Variants in UGT2B28 observed in about 807,000 individuals in gnomAD.
UGT2B28 encodes UDP glucuronosyltransferase family 2 member B28.
Under a neutral mutation model 43.6 loss-of-function variants are expected in UGT2B28, and 45 were observed. The observed-to-expected ratio is 1.03, with a 90% CI of 0.81 to 1.32. The LOEUF is 1.32. UGT2B28 is among the 40% of genes most tolerant of loss of function. The pLI, the probability that UGT2B28 is intolerant of heterozygous loss-of-function variation, is 0.00. For synonymous variants in UGT2B28, 204 were observed against 208.1 expected, an observed-to-expected ratio of 0.98 and a Z score of 0.17; for missense variants, 649 against 625.5, an observed-to-expected ratio of 1.04 and a Z score of -0.40.
At position 69,290,624 on chromosome 4, in the gene UGT2B28, G is replaced by C. The variant is rs1385615706; in HGVS notation, c.1123G>C (p.Gly375Arg). Residue 375 changes from glycine (G) to arginine (R), a missense_variant, in exon 5 of 6, where the codon GGT becomes CGT. Physicochemically the swap from Gly to Arg is moderately radical, Grantham distance 125. Transcript: ENST00000335568. ...LPKTRAFITHGGANGIYEAIY... is the reference protein window; with the variant it reads ...LPKTRAFITHRGANGIYEAIY... ...AAAAACCAGAGCTTTTATAACTCAT[G>C]GTGGAGCCAATGGCATCTATGAGGC... 10 of 1,558,984 alleles carry C rather than the reference G, an allele frequency of 6.4e-6. 2 individuals are homozygous for C. Among genetic ancestry groups the C allele is most frequent in the Non-Finnish European group, 8.7e-6 (10 of 1,154,964 alleles).
Sources: allele counts gnomAD v4.1 joint callset, GRCh38; gene constraint gnomAD v4.1.1; transcripts MANE v1.5; gene names NCBI Gene and HGNC (gene_info 2026-07-23, HGNC 2026-07-21).